Variants in APAF1 observed in about 807,000 individuals in gnomAD.
The protein encoded by APAF1 is apoptotic peptidase activating factor 1.
A neutral mutation model predicts 152.4 loss-of-function variants in APAF1; 91 were observed. That is an observed-to-expected ratio of 0.60 (90% CI 0.50 to 0.71). The LOEUF is 0.71. APAF1 is among the 30% of genes least tolerant of loss of function. The pLI, the probability that APAF1 is intolerant of heterozygous loss-of-function variation, is 0.00. For synonymous variants in APAF1, 484 were observed against 494.1 expected, an observed-to-expected ratio of 0.98 and a Z score of 0.27; for missense variants, 1,283 against 1,472.0, an observed-to-expected ratio of 0.87 and a Z score of 2.10.
chr12:98,714,972 C>T (rs1246766789), intron 21 of APAF1, among the ~76,000 whole-genome samples: 1 of 150,568 alleles, frequency 6.6e-6, no homozygotes, highest in Non-Finnish European at 1.5e-5. Flanking sequence ...TCCTGTCTCC[C>T]TCATCATCTT....
At chr12:98,699,196 T>G (rs554312135) in intron 16 of APAF1, among the ~76,000 whole-genome samples, 2 of 152,330 alleles carry the variant, frequency 1.3e-5, no homozygotes, top group Admixed American at 1.3e-4. Flanking sequence ...ATGTTCTGCA[T>G]TTTGGGCAGT....
chr12:98,689,945 A>T (rs542250810), intron 16 of APAF1, among the ~76,000 whole-genome samples: 1 of 152,324 alleles, frequency 6.6e-6, no homozygotes, highest in South Asian at 2.1e-4. Flanking sequence ...ATATAGGTTT[A>T]TGATCTGCAG....
rs73142318 is a variant in APAF1 at position 98,734,579 on chromosome 12, G to A, written c.*2013G>A. ...GGGGTAGGTCGGGGAGAGGGTAAGG[G>A]AATAGATCACTCAGATGTATTTTAG... On this transcript the variant is annotated 3_prime_UTR_variant, in exon 27 of 27. Coordinates refer to ENST00000551964, the MANE Select transcript of APAF1 (RefSeq NM_181861.2). 1,493 of 152,700 alleles carry A rather than the reference G, an allele frequency of 9.8e-3. 9 individuals are homozygous for A. The highest frequency in any genetic ancestry group is 0.016 in the Non-Finnish European group (1,065 of 68,030). The allele number at this position is 152,700 out of a possible 1,614,324, so 9.5% of individuals were successfully genotyped here.
At position 98,686,866 on chromosome 12, in the gene APAF1, C is replaced by G; in HGVS notation, c.2297C>G (p.Thr766Ser). The change falls in exon 16 of 27, where the codon ACC becomes AGC. Residue 766 changes from threonine to serine, a missense_variant. Transcript: ENST00000551964. Reference protein sequence around the residue: ...KLLASCSADGTLKLWDATSAN... With the variant: ...KLLASCSADGSLKLWDATSAN... ...TTGGCTAGTTGTTCAGCTGATGGAA[C>G]CTTAAAGGTATGCTTTTGTACACTA... is the stretch of plus-strand genomic sequence containing the variant. The G allele has an allele frequency of 6.2e-7, 1 of 1,613,858 alleles. No individual in the cohort carries two copies. The highest frequency in any genetic ancestry group is 1.1e-5 in the South Asian group (1 of 91,068).
chr12:98,730,573 C>G (rs2097759298), intron 26 of APAF1, among the ~76,000 whole-genome samples: 1 of 152,222 alleles, frequency 6.6e-6, no homozygotes, highest in Non-Finnish European at 1.5e-5. Context: ...GAAAGAACTT[C>G]TAGCCTATGT....
chr12:98,699,836 A>G (rs2097713464), intron 17 of APAF1, among the ~76,000 whole-genome samples: 1 of 152,220 alleles, frequency 6.6e-6, no homozygotes, highest in Non-Finnish European at 1.5e-5. Context: ...TAACATATTC[A>G]GGGCCCCAGG....
At chr12:98,710,679 C>T (rs1246392164) in intron 20 of APAF1, among the ~76,000 whole-genome samples, 1 of 152,222 alleles carries the variant, frequency 6.6e-6, no homozygotes, top group Non-Finnish European at 1.5e-5. Context: ...CTGCCTCAGC[C>T]TCCCAGAATG....
At chr12:98,670,085 C>T (rs531858948) in intron 10 of APAF1, among the ~76,000 whole-genome samples, 11 of 152,154 alleles carry the variant, frequency 7.2e-5, no homozygotes, top group Non-Finnish European at 1.2e-4. Flanking sequence ...GCTGGGAGCA[C>T]GGGTGTGCAC....
In APAF1 at chr12:98,683,252, G is replaced by C; in HGVS notation, c.2156G>C (p.Gly719Ala). 5.0e-6 allele frequency: 8 copies of C among 1,613,822 alleles called. No individual in the cohort carries two copies. The highest frequency in any genetic ancestry group is 6.8e-6 in the Non-Finnish European group (8 of 1,179,972). ...AGTCATCATCTTCTCTTAGCCACTG[G>C]GTCAAGTGACTGCTTCCTCAAAGTA... is the stretch of plus-strand genomic sequence containing the variant. The part of the protein sequence containing the change: ...NSSHHLLLAT[G>A]SSDCFLKLWD... Residue 719 changes from glycine to alanine, a missense_variant, in exon 15 of 27, where the codon GGG (glycine) becomes GCG (alanine). Gly to Ala is a moderately conservative substitution (Grantham distance 60, BLOSUM62 0). Transcript: ENST00000551964.
chr12:98,700,102 T>C (rs954671170), intron 17 of APAF1, among the ~76,000 whole-genome samples: 1 of 152,120 alleles, frequency 6.6e-6, no homozygotes, highest in Non-Finnish European at 1.5e-5. Flanking sequence ...AATAAGAAAA[T>C]TCTTTGCTTT....
chr12:98,700,494 C>T (rs2097714224), intron 17 of APAF1, among the ~76,000 whole-genome samples: 2 of 152,046 alleles, frequency 1.3e-5, no homozygotes, highest in African/African-American at 2.4e-5. Context: ...AGTTTGTACC[C>T]CTTTAGCAGG....
chr12:98,725,624 C>T, intron 25 of APAF1, 84 bp downstream of exon 25: 1 of 1,582,310 alleles, frequency 6.3e-7, no homozygotes, highest in Non-Finnish European at 8.7e-7. Flanking sequence ...TGTTCACGGG[C>T]CAGGGAAGCA....
intron 18 of APAF1, among the ~76,000 whole-genome samples, chr12:98,704,585 A>G (rs2097719351): frequency 1.3e-5 from 2 of 152,256 alleles, no homozygotes; most frequent in South Asian, 4.1e-4. Context: ...AGGGCATGAG[A>G]TCCATAGGCT....
At chr12:98,723,589 A>C in intron 23 of APAF1, 50 bp from the exon 24 acceptor site, 3 of 1,506,648 alleles carry the variant, frequency 2.0e-6, no homozygotes, top group Non-Finnish European at 2.7e-6. Context: ...TTTTAATATA[A>C]AATGTTCTTA....
intron 18 of APAF1, among the ~76,000 whole-genome samples, chr12:98,703,797 C>G (rs1269194069): frequency 4.6e-5 from 7 of 152,160 alleles, no homozygotes; most frequent in Admixed American, 4.6e-4. Context: ...GGTCATGAAA[C>G]ATGACATCTC....
rs1194356649 is a variant in APAF1, at chr12:98,645,372, G to C, written c.-505G>C. On this transcript the variant is annotated 5_prime_UTR_variant, in exon 1 of 27. Transcript: ENST00000551964. ...GATAGAACCAGAGGTGGGGAGTCTG[G>C]GCAGTCGGCGACCCGCGAAGACTTG... The C allele has an allele frequency of 6.6e-6, 1 of 152,270 alleles. No individual in the cohort carries two copies. The highest frequency in any genetic ancestry group is 2.4e-5 in the African/African-American group (1 of 41,456). The allele number at this position is 152,270 out of a possible 1,614,324, so 9.4% of individuals were successfully genotyped here.
At chr12:98,725,633 C>T in intron 25 of APAF1, 93 bp downstream of exon 25, 4 of 1,564,144 alleles carry the variant, frequency 2.6e-6, no homozygotes, top group Non-Finnish European at 2.6e-6. Flanking sequence ...GCCAGGGAAG[C>T]ATAGTCCTGA....
chr12:98,706,432 C>G lies in APAF1; in HGVS notation c.2596-53C>G, dbSNP rs578212318. On this transcript the variant is annotated intron_variant, in intron 18 of 26. Coordinates refer to ENST00000551964, the MANE Select transcript of APAF1 (RefSeq NM_181861.2). ...TCTTGCTATTTTCAATATTTTTGCT[C>G]TCTTCAAAATGCTTATGTATGTGAT... The G allele has an allele frequency of 5.6e-6, 9 of 1,600,474 alleles. No individual in the cohort carries two copies. In the East Asian group the frequency reaches 8.9e-5, roughly 16 times the overall value.
rs1207427124 is a variant in APAF1 at position 98,648,320 on chromosome 12, T to A, written c.-40T>A. 6 of 1,613,362 alleles carry A rather than the reference T, an allele frequency of 3.7e-6. No homozygotes were observed. The highest frequency in any genetic ancestry group is 5.1e-6 in the Non-Finnish European group (6 of 1,179,626). On this transcript the variant is annotated splice_region_variant and 5_prime_UTR_variant, in exon 2 of 27. Coordinates refer to ENST00000551964, the MANE Select transcript of APAF1 (RefSeq NM_181861.2). ...AATATTTTGGTGTTTTGGCTGTAGC[T>A]CATGGTTGACAGCTCAGAGAGAGAA...
Sources: allele counts gnomAD v4.1 joint callset (sites outside exome capture counted in the v4.1 genomes callset), GRCh38; gene constraint gnomAD v4.1.1; transcripts MANE v1.5; gene names NCBI Gene and HGNC (gene_info 2026-07-23, HGNC 2026-07-21).